Variants in BMP6 observed in about 807,000 individuals in gnomAD.
The protein encoded by BMP6 is bone morphogenetic protein 6, also known as VG-1-R.
A neutral mutation model predicts 54.1 loss-of-function variants in BMP6; 17 were observed. That is an observed-to-expected ratio of 0.31 (90% confidence interval 0.22 to 0.47). The LOEUF is 0.47. BMP6 is among the 20% of genes least tolerant of loss of function. The pLI is 1.00. For synonymous variants in BMP6, 328 were observed against 291.2 expected, an observed-to-expected ratio of 1.13 and a Z score of -1.28; for missense variants, 720 against 690.4, an observed-to-expected ratio of 1.04 and a Z score of -0.48.
At chr6:7,866,310 A>C (rs546720587) in intron 4 of BMP6, among the ~76,000 whole-genome samples, 2 of 152,310 alleles carry the variant, frequency 1.3e-5, no homozygotes, top group South Asian at 2.1e-4. Context: ...CCAATCTACC[A>C]ATTCTTTTTC....
At chr6:7,750,795 C>T (rs1201239012) in intron 1 of BMP6, among the ~76,000 whole-genome samples, 2 of 152,036 alleles carry the variant, frequency 1.3e-5, no homozygotes, top group Admixed American at 6.5e-5. Context: ...GTCAGGTTTC[C>T]ATGGTCATCA....
intron 1 of BMP6, among the ~76,000 whole-genome samples, chr6:7,746,147 C>T (rs957447896): frequency 1.3e-5 from 2 of 152,090 alleles, no homozygotes; most frequent in African/African-American, 2.4e-5. Flanking sequence ...GATGGTGCTG[C>T]GGGAGCCCTG....
intron 1 of BMP6, among the ~76,000 whole-genome samples, chr6:7,734,708 T>C (rs986689723): frequency 1.2e-4 from 19 of 152,342 alleles, no homozygotes; most frequent in Admixed American, 1.1e-3. Context: ...TCCACTGATA[T>C]CCACTGATTC....
In BMP6 at chr6:7,855,553, CTTTTTTTTTTTT is replaced by C. The variant is rs778898901; in HGVS notation, c.858-5882_858-5871del. On this transcript the variant is annotated intron_variant, in intron 2 of 6. Coordinates refer to ENST00000283147, the MANE Select transcript of BMP6 (RefSeq NM_001718.6). ...TTAATCTCAATCTCTCTCTCTCTCTCTTTTTTTTTTTTTTTTTTTTTTTTTTTGAGATGAGTT... is the reference window on the plus strand; with the variant it reads ...TTAATCTCAATCTCTCTCTCTCTCTCTTTTTTTTTTTTTTTGAGATGAGTT... Among the ~76,000 whole-genome samples the C allele has an allele frequency of 3.8e-5, 4 of 105,042 alleles. 1 individual carries two copies. Among genetic ancestry groups the C allele is most frequent in the Non-Finnish European group, 5.7e-5 (3 of 52,990 alleles). 68.9% of individuals were successfully genotyped at this position (105,042 alleles called of 152,430 possible).
chr6:7,727,441 C>T lies in BMP6; in HGVS notation c.486C>T (p.Pro162=), dbSNP rs1192559046. The change falls in exon 1 of 7, where the codon CCC becomes CCT. Residue 162 remains proline, a synonymous_variant. Coordinates refer to ENST00000283147, the MANE Select transcript of BMP6 (RefSeq NM_001718.6). The stretch of plus-strand genomic sequence containing the variant: ...AGGGGGAGAGGCAGCAGTCCTGGCC[C>T]CACGAAGCAGCCAGCTCGTCCCAGC... ...ASEGERQQSW[P]HEAASSSQRR... is the part of the protein sequence containing the mutation. 3.7e-6 allele frequency: 6 copies of T among 1,603,494 alleles called. No homozygotes were observed. The highest frequency in any genetic ancestry group is 2.2e-5 in the South Asian group (2 of 90,024).
At chr6:7,796,466 T>C (rs1440806193) in intron 1 of BMP6, among the ~76,000 whole-genome samples, 1 of 152,254 alleles carries the variant, frequency 6.6e-6, no homozygotes, top group Non-Finnish European at 1.5e-5. Context: ...TTAAGCATGC[T>C]AAATAGCATC....
intron 1 of BMP6, among the ~76,000 whole-genome samples, chr6:7,785,340 T>G (rs948308409): frequency 2.0e-5 from 3 of 152,244 alleles, no homozygotes; most frequent in African/African-American, 7.2e-5. Context: ...TCTCTCAATT[T>G]CTTTTCATGT....
intron 1 of BMP6, 127 bp downstream of exon 1, chr6:7,727,746 C>A: frequency 8.5e-7 from 1 of 1,170,314 alleles, no homozygotes; most frequent in East Asian, 3.2e-5. Flanking sequence ...CCAGAGAACG[C>A]GGGGACAGGC....
At position 7,759,962 on chromosome 6, in the gene BMP6, C is replaced by CCCAAGG. The variant is rs567703153; in HGVS notation, c.664+32347_664+32348insGGCCAA. 3.1e-3 allele frequency among the ~76,000 whole-genome samples: 475 copies of CCCAAGG among 151,872 alleles called. 1 individual carries two copies. The highest frequency in any genetic ancestry group is 0.011 in the African/African-American group (453 of 41,452). ...TCAGGTGATCTGCCTACCTTGGCCTCCCAAAGTGCTGGGATTACAGGTGTG... is the reference window on the plus strand; with the variant it reads ...TCAGGTGATCTGCCTACCTTGGCCTCCCAAGGCCAAAGTGCTGGGATTACAGGTGTG... On this transcript the variant is annotated intron_variant, in intron 1 of 6. Coordinates refer to ENST00000283147, the MANE Select transcript of BMP6 (RefSeq NM_001718.6).
intron 1 of BMP6, among the ~76,000 whole-genome samples, chr6:7,754,920 G>A (rs1174526749): frequency 5.3e-5 from 8 of 151,850 alleles, no homozygotes; most frequent in African/African-American, 1.5e-4. Context: ...GGGTTTCACC[G>A]TGTTCTCCAG....
At chr6:7,764,605 G>A (rs1358342576) in intron 1 of BMP6, among the ~76,000 whole-genome samples, 4 of 152,056 alleles carry the variant, frequency 2.6e-5, no homozygotes, top group Non-Finnish European at 5.9e-5. Context: ...CACCATGATG[G>A]ACCTCTGGCT....
At chr6:7,870,627 A>AAAC (rs1390977080) in intron 4 of BMP6, among the ~76,000 whole-genome samples, 6 of 151,866 alleles carry the variant, frequency 4.0e-5, no homozygotes, top group Non-Finnish European at 7.4e-5. Context: ...TTTTTTTAAA[A>AAAC]AACAACAACA....
intron 1 of BMP6, among the ~76,000 whole-genome samples, chr6:7,742,491 G>T (rs1757283067): frequency 6.6e-6 from 1 of 152,114 alleles, no homozygotes; most frequent in African/African-American, 2.4e-5. Context: ...AGGACTGAGG[G>T]GTGACATAAT....
At chr6:7,727,651 C>G (rs369647411) in intron 1 of BMP6, 32 bp downstream of exon 1, 5 of 1,488,022 alleles carry the variant, frequency 3.4e-6, no homozygotes, top group Non-Finnish European at 4.4e-6. Context: ...ATGACGAGAA[C>G]ATTTCCCCCT....
chr6:7,862,531 G>A, intron 4 of BMP6, 33 bp downstream of exon 4: 2 of 1,610,924 alleles, frequency 1.2e-6, no homozygotes, highest in Non-Finnish European at 1.7e-6. Context: ...TTTCCAGAAA[G>A]CCTTGTTGGC....
intron 1 of BMP6, among the ~76,000 whole-genome samples, chr6:7,788,148 G>A (rs1758045066): frequency 6.6e-6 from 1 of 152,170 alleles, no homozygotes; most frequent in Non-Finnish European, 1.5e-5. Context: ...TATATTTCTT[G>A]AATCACTGGA....
chr6:7,839,176 T>A (rs1367030602), intron 1 of BMP6, among the ~76,000 whole-genome samples: 1 of 152,160 alleles, frequency 6.6e-6, no homozygotes, highest in Non-Finnish European at 1.5e-5. Flanking sequence ...TTTATTATTA[T>A]TTTACAGAGA....
chr6:7,863,515 C>T (rs182711833), intron 4 of BMP6, among the ~76,000 whole-genome samples: 1 of 152,282 alleles, frequency 6.6e-6, no homozygotes, highest in South Asian at 2.1e-4. Flanking sequence ...ATCCAGGGCA[C>T]GACTCCGGTT....
intron 1 of BMP6, among the ~76,000 whole-genome samples, chr6:7,754,206 C>T (rs1297913020): frequency 1.3e-5 from 2 of 152,162 alleles, no homozygotes; most frequent in East Asian, 3.9e-4. Context: ...CAGCCTCTCC[C>T]TCCTGGGCTC....
Sources: allele counts gnomAD v4.1 joint callset (sites outside exome capture counted in the v4.1 genomes callset), GRCh38; gene constraint gnomAD v4.1.1; transcripts MANE v1.5; gene names NCBI Gene and HGNC (gene_info 2026-07-23, HGNC 2026-07-21).